The following SPAG16 variants were observed in gnomAD, a reference collection of about 807,000 sequenced individuals.
The protein encoded by SPAG16 is sperm associated antigen 16.
In SPAG16, 86 loss-of-function variants were observed where a neutral mutation model predicts 80.4. The observed-to-expected ratio is 1.07, with a 90% CI of 0.90 to 1.28. The LOEUF (loss-of-function observed/expected upper bound fraction) is 1.28. Ranked by LOEUF, SPAG16 falls within the 50% of genes most tolerant of loss-of-function variation. SPAG16 has a pLI of 0.00. For synonymous variants in SPAG16, 294 were observed against 265.9 expected, an observed-to-expected ratio of 1.11 and a Z score of -1.03; for missense variants, 870 against 765.3, an observed-to-expected ratio of 1.14 and a Z score of -1.61.
intron 15 of SPAG16, among the ~76,000 whole-genome samples, chr2:214,332,443 C>T (rs546294073): frequency 4.6e-4 from 70 of 152,222 alleles, no homozygotes; most frequent in African/African-American, 1.6e-3. Context: ...TGTTGTCAAA[C>T]GGCTAAGTCA....
intron 15 of SPAG16, among the ~76,000 whole-genome samples, chr2:214,292,495 C>T (rs1272315630): frequency 3.3e-5 from 5 of 151,866 alleles, no homozygotes; most frequent in African/African-American, 1.2e-4. Flanking sequence ...TTTTCATTTT[C>T]AGTATTTCTG....
At chr2:213,530,354 A>G (rs2076027102) in intron 10 of SPAG16, among the ~76,000 whole-genome samples, 1 of 152,198 alleles carries the variant, frequency 6.6e-6, no homozygotes. Flanking sequence ...TGACATGACT[A>G]GGGAATAGGA....
At chr2:214,360,411 A>C (rs886753277) in intron 15 of SPAG16, among the ~76,000 whole-genome samples, 6 of 151,926 alleles carry the variant, frequency 3.9e-5, no homozygotes, top group Non-Finnish European at 8.8e-5. Flanking sequence ...ACTTTCCACC[A>C]ACTTCACTTT....
At chr2:214,403,487 T>G (rs952071728) in intron 15 of SPAG16, among the ~76,000 whole-genome samples, 1 of 152,012 alleles carries the variant, frequency 6.6e-6, no homozygotes, top group African/African-American at 2.4e-5. Flanking sequence ...CATTCTTTCT[T>G]CGTTTGAAAC....
intron 9 of SPAG16, among the ~76,000 whole-genome samples, chr2:213,381,817 C>G (rs1018573854): frequency 6.6e-6 from 1 of 152,184 alleles, no homozygotes; most frequent in Non-Finnish European, 1.5e-5. Context: ...ACCAGTCAGC[C>G]AGACTGATAG....
intron 9 of SPAG16, among the ~76,000 whole-genome samples, chr2:213,408,328 G>A (rs991480978): frequency 2.0e-5 from 3 of 152,124 alleles, no homozygotes; most frequent in Non-Finnish European, 2.9e-5. Context: ...AGTAATCTGC[G>A]GATGGCCAAA....
chr2:214,147,882 G>A (rs1299812255), intron 14 of SPAG16, among the ~76,000 whole-genome samples: 1 of 152,146 alleles, frequency 6.6e-6, no homozygotes, highest in Non-Finnish European at 1.5e-5. Context: ...AATACAGGAT[G>A]TACTATTTTT....
intron 15 of SPAG16, among the ~76,000 whole-genome samples, chr2:214,288,295 T>C (rs1460802804): frequency 2.6e-5 from 4 of 152,230 alleles, no homozygotes; most frequent in African/African-American, 9.6e-5. Context: ...TGTGTAAATA[T>C]ACTGTATTTT....
chr2:213,776,570 A>G (rs2069586999), intron 10 of SPAG16, among the ~76,000 whole-genome samples: 2 of 152,244 alleles, frequency 1.3e-5, no homozygotes, highest in Admixed American at 6.5e-5. Context: ...GTAAAAGGCC[A>G]GAACAACAAC....
At chr2:213,725,935 G>T (rs2066750066) in intron 10 of SPAG16, among the ~76,000 whole-genome samples, 1 of 152,220 alleles carries the variant, frequency 6.6e-6, no homozygotes, top group African/African-American at 2.4e-5. Flanking sequence ...CAGGGGGAAA[G>T]TGGGGGACCC....
chr2:213,889,131 A>C (rs1022711503), intron 11 of SPAG16, among the ~76,000 whole-genome samples: 1 of 151,984 alleles, frequency 6.6e-6, no homozygotes, highest in African/African-American at 2.4e-5. Flanking sequence ...TTGCTGTTTG[A>C]GTACAATATC....
chr2:213,940,437 C>A (rs1330745642), intron 12 of SPAG16, among the ~76,000 whole-genome samples: 1 of 152,116 alleles, frequency 6.6e-6, no homozygotes, highest in Non-Finnish European at 1.5e-5. Context: ...CAGGCAGGCA[C>A]AACTACATCT....
At chr2:214,343,177 GA>G in intron 15 of SPAG16, among the ~76,000 whole-genome samples, 1 of 152,250 alleles carries the variant, frequency 6.6e-6, no homozygotes, top group East Asian at 1.9e-4. Flanking sequence ...GAAGTAGAAA[GA>G]AGAGGATGTT....
At chr2:213,376,244 A>G (rs1276084887) in intron 9 of SPAG16, among the ~76,000 whole-genome samples, 2 of 151,864 alleles carry the variant, frequency 1.3e-5, no homozygotes, top group African/African-American at 4.8e-5. Context: ...CGGTATAAGT[A>G]TTGTCTTTCA....
chr2:213,509,200 C>T (rs1177744367), intron 10 of SPAG16, among the ~76,000 whole-genome samples: 1 of 151,974 alleles, frequency 6.6e-6, no homozygotes, highest in Non-Finnish European at 1.5e-5. Context: ...GTTTCACCAT[C>T]TTGGTCAGGC....
intron 10 of SPAG16, among the ~76,000 whole-genome samples, chr2:213,764,418 G>A (rs2068823761): frequency 6.6e-6 from 1 of 151,910 alleles, no homozygotes. Context: ...GTTGCTGGAT[G>A]AGAATAAACT....
chr2:214,108,288 T>C (rs918625640), intron 14 of SPAG16, 27 bp downstream of exon 14: 2 of 1,536,066 alleles, frequency 1.3e-6, no homozygotes, highest in Non-Finnish European at 1.8e-6. Flanking sequence ...CAGTAAACTG[T>C]TTTTAATGCT....
intron 15 of SPAG16, among the ~76,000 whole-genome samples, chr2:214,268,916 G>A (rs192895674): frequency 6.6e-6 from 1 of 152,048 alleles, no homozygotes; most frequent in Admixed American, 6.6e-5. Context: ...GTCAGAGATG[G>A]CTGCATGTAA....
chr2:213,549,397 A>C (rs1299346957), intron 10 of SPAG16, among the ~76,000 whole-genome samples: 1 of 152,152 alleles, frequency 6.6e-6, no homozygotes, highest in African/African-American at 2.4e-5. Context: ...TCTCATCAAC[A>C]TGTCTAAAAT....
Sources: allele counts gnomAD v4.1 joint callset (sites outside exome capture counted in the v4.1 genomes callset), GRCh38; gene constraint gnomAD v4.1.1; transcripts MANE v1.5; gene names NCBI Gene and HGNC (gene_info 2026-07-23, HGNC 2026-07-21).